The following SPATS2 variants were observed in gnomAD, a reference collection of about 807,000 sequenced individuals.
The protein encoded by SPATS2 is spermatogenesis associated serine rich 2.
SPATS2 carries 38 observed loss-of-function variants against 63.7 expected under a neutral mutation model. The ratio of observed to expected loss-of-function variants is 0.60; its 90% CI spans 0.46 to 0.78. The LOEUF is 0.78. Ranked by LOEUF, SPATS2 falls within the 30% of genes least tolerant of loss-of-function variation. The pLI, the probability that SPATS2 is intolerant of heterozygous loss-of-function variation, is 0.00. For synonymous variants in SPATS2, 207 were observed against 232.9 expected (o/e 0.89, Z 1.01); for missense variants, 588 against 666.2 (o/e 0.88, Z 1.29).
At chr12:49,482,289 G>GC (rs1176880794) in intron 3 of SPATS2, among the ~76,000 whole-genome samples, 26 of 152,222 alleles carry the variant, frequency 1.7e-4, no homozygotes, top group Non-Finnish European at 2.2e-4. Flanking sequence ...CCACTGGGCA[G>GC]CATTGGCAGG....
chr12:49,391,726 A>G (rs1944422384), intron 2 of SPATS2, among the ~76,000 whole-genome samples: 1 of 152,126 alleles, frequency 6.6e-6, no homozygotes, highest in Non-Finnish European at 1.5e-5. Flanking sequence ...AGAAAATTCT[A>G]CTTTGAGTAT....
intron 2 of SPATS2, among the ~76,000 whole-genome samples, chr12:49,451,788 C>T (rs1945627875): frequency 6.6e-6 from 1 of 152,236 alleles, no homozygotes; most frequent in Non-Finnish European, 1.5e-5. Flanking sequence ...TTTGGAATTT[C>T]TTGTAAGTCA....
intron 2 of SPATS2, among the ~76,000 whole-genome samples, chr12:49,427,517 T>C (rs1945101644): frequency 1.3e-5 from 2 of 152,220 alleles, no homozygotes; most frequent in African/African-American, 2.4e-5. Context: ...ATTTCTCTTG[T>C]ACTTGAATTT....
At chr12:49,441,146 A>T (rs1475692824) in intron 2 of SPATS2, among the ~76,000 whole-genome samples, 1 of 152,286 alleles carries the variant, frequency 6.6e-6, no homozygotes, top group East Asian at 1.9e-4. Flanking sequence ...ATCGTTTTCT[A>T]ATTGGGCTAC....
chr12:49,445,253 C>G (rs931374378), intron 2 of SPATS2, among the ~76,000 whole-genome samples: 1 of 151,978 alleles, frequency 6.6e-6, no homozygotes, highest in African/African-American at 2.4e-5. Flanking sequence ...TCATAGATGG[C>G]CTTTATAAAG....
intron 9 of SPATS2, among the ~76,000 whole-genome samples, chr12:49,501,816 A>G: frequency 6.6e-6 from 1 of 152,012 alleles, no homozygotes; most frequent in African/African-American, 2.4e-5. Flanking sequence ...ATGGGGTTTC[A>G]CCATGTTGGC....
chr12:49,502,007 T>A (rs901361999), intron 9 of SPATS2, among the ~76,000 whole-genome samples: 2 of 152,140 alleles, frequency 1.3e-5, no homozygotes, highest in Admixed American at 6.6e-5. Flanking sequence ...AAGGACCATA[T>A]TAAAATGACA....
At chr12:49,442,019 A>G (rs986950675) in intron 2 of SPATS2, among the ~76,000 whole-genome samples, 4 of 152,160 alleles carry the variant, frequency 2.6e-5, no homozygotes, top group African/African-American at 9.7e-5. Context: ...ACAACATGGT[A>G]ATGGAAATAA....
At chr12:49,416,661 T>G (rs570676188) in intron 2 of SPATS2, among the ~76,000 whole-genome samples, 2 of 151,918 alleles carry the variant, frequency 1.3e-5, no homozygotes, top group Non-Finnish European at 2.9e-5. Context: ...TTTTTTGAAT[T>G]TTTAGTAGAG....
At chr12:49,384,466 T>G (rs1048180407) in intron 2 of SPATS2, among the ~76,000 whole-genome samples, 1 of 152,230 alleles carries the variant, frequency 6.6e-6, no homozygotes, top group South Asian at 2.1e-4. Context: ...GACTAACAGA[T>G]TGGTATTTTT....
intron 2 of SPATS2, among the ~76,000 whole-genome samples, chr12:49,450,811 T>C (rs1945608373): frequency 1.3e-5 from 2 of 152,210 alleles, no homozygotes; most frequent in Admixed American, 1.3e-4. Flanking sequence ...CCCGAAGTGC[T>C]GGAATTACAG....
chr12:49,516,166 AATATATAT>A (rs869230532), intron 10 of SPATS2, among the ~76,000 whole-genome samples: 1,687 of 30,252 alleles, frequency 0.056, 76 homozygotes, highest in East Asian at 0.092. Context: ...AAAAAAAAAA[AATATATAT>A]ATATATATAT....
At chr12:49,452,912 C>T (rs1453372600) in intron 2 of SPATS2, among the ~76,000 whole-genome samples, 1 of 151,910 alleles carries the variant, frequency 6.6e-6, no homozygotes, top group Non-Finnish European at 1.5e-5. Context: ...AATCCCAGCA[C>T]TTTGGGAGGC....
chr12:49,474,609 A>G (rs1163281649), intron 3 of SPATS2, among the ~76,000 whole-genome samples: 2 of 152,380 alleles, frequency 1.3e-5, no homozygotes, highest in Admixed American at 6.5e-5. Context: ...GTATGAAATG[A>G]AACACAGATT....
At chr12:49,416,990 T>C (rs1028460243) in intron 2 of SPATS2, among the ~76,000 whole-genome samples, 1 of 152,184 alleles carries the variant, frequency 6.6e-6, no homozygotes, top group South Asian at 2.1e-4. Context: ...TTCTCTTCCC[T>C]TTTTCACTAG....
chr12:49,391,033 T>C (rs1357873951), intron 2 of SPATS2, among the ~76,000 whole-genome samples: 1 of 152,042 alleles, frequency 6.6e-6, no homozygotes, highest in Non-Finnish European at 1.5e-5. Context: ...TCAAAGTGAA[T>C]TGGGAATTCC....
Position 49,435,515 on chromosome 12 carries a change from G to A in SPATS2, c.-243-25255G>A, listed in dbSNP as rs530376024. Among the ~76,000 whole-genome samples, 74 of 151,100 alleles carry A rather than the reference G, an allele frequency of 4.9e-4. No individual in the cohort carries two copies. The South Asian group carries it at 0.012, about 25-fold the overall frequency. On this transcript the variant is annotated intron_variant, in intron 2 of 13. Transcript: ENST00000552918. ...TAATTTTTGTATTTTTAGTAGGGAC[G>A]GGGTTTTGCCATGATGGCCAGGCTG...
intron 2 of SPATS2, among the ~76,000 whole-genome samples, chr12:49,425,332 G>A (rs1470008282): frequency 6.6e-6 from 1 of 152,074 alleles, no homozygotes; most frequent in Non-Finnish European, 1.5e-5. Flanking sequence ...GTTTATTGAT[G>A]TATTTACTTT....
At chr12:49,441,568 C>G (rs1235218963) in intron 2 of SPATS2, among the ~76,000 whole-genome samples, 1 of 152,178 alleles carries the variant, frequency 6.6e-6, no homozygotes, top group African/African-American at 2.4e-5. Flanking sequence ...TAGTGAATCT[C>G]TTTACCAATT....
Sources: allele counts gnomAD v4.1 joint callset (sites outside exome capture counted in the v4.1 genomes callset), GRCh38; gene constraint gnomAD v4.1.1; transcripts MANE v1.5; gene names NCBI Gene and HGNC (gene_info 2026-07-23, HGNC 2026-07-21).